The following UGDH variants were observed in gnomAD, a reference collection of about 807,000 sequenced individuals.
UGDH encodes UDP-glucose 6-dehydrogenase, also known as UDP-Glc dehydrogenase.
A neutral mutation model predicts 50.6 loss-of-function variants in UGDH; 38 were observed. That is an observed-to-expected ratio of 0.75 (90% confidence interval 0.58 to 0.98). UGDH has a LOEUF of 0.98. Ranked by LOEUF, UGDH falls within the 50% of genes least tolerant of loss-of-function variation. The pLI, the probability that UGDH is intolerant of heterozygous loss-of-function variation, is 0.00. For synonymous variants in UGDH, 168 were observed against 199.9 expected (o/e 0.84, Z 1.35); for missense variants, 465 against 606.2 (o/e 0.77, Z 2.45).
At chr4:39,501,573 A>G (rs1410673120) in intron 11 of UGDH, among the ~76,000 whole-genome samples, 1 of 152,144 alleles carries the variant, frequency 6.6e-6, no homozygotes, top group South Asian at 2.1e-4. Context: ...GCACCCGGCC[A>G]GCATAATTCT....
At chr4:39,513,501 G>T (rs1404022884) in intron 3 of UGDH, among the ~76,000 whole-genome samples, 1 of 147,716 alleles carries the variant, frequency 6.8e-6, no homozygotes, top group Non-Finnish European at 1.5e-5. Flanking sequence ...ATCATCACAT[G>T]TGCTCTCATG....
At chr4:39,501,067 C>T (rs893923205) in intron 11 of UGDH, among the ~76,000 whole-genome samples, 1 of 151,422 alleles carries the variant, frequency 6.6e-6, no homozygotes, top group African/African-American at 2.4e-5. Flanking sequence ...CAGGTTCAAG[C>T]GATTCTCCTC....
intron 1 of UGDH, among the ~76,000 whole-genome samples, chr4:39,523,299 G>C (rs1437369523): frequency 6.6e-6 from 1 of 151,942 alleles, no homozygotes; most frequent in Non-Finnish European, 1.5e-5. Context: ...CAATCTGCCT[G>C]CCTCAGCCTC....
chr4:39,512,179 C>T (rs1264058662), intron 3 of UGDH, among the ~76,000 whole-genome samples: 1 of 152,006 alleles, frequency 6.6e-6, no homozygotes, highest in Non-Finnish European at 1.5e-5. Context: ...TGTTATAATG[C>T]TCTGACAAAA....
rs761454872 is a variant in UGDH, at chr4:39,510,728, G to A, written c.398C>T (p.Pro133Leu). The A allele has an allele frequency of 4.3e-6, 7 of 1,614,020 alleles. No individual in the cohort carries two copies. Among genetic ancestry groups the A allele is most frequent in the East Asian group, 2.2e-5 (1 of 44,904 alleles). ...YKIVTEKSTVPVRAAESIRRI... is the reference protein window; with the variant it reads ...YKIVTEKSTVLVRAAESIRRI... ...ACGGATACTTTCTGCTGCCCGCACT[G>A]GAACTGTGCTTTTCTCAGTCACAAT... is the stretch of plus-strand genomic sequence containing the variant. Residue 133 changes from proline (P) to leucine (L), a missense_variant, in exon 4 of 12, where the codon CCA becomes CTA. Pro to Leu is a moderately conservative substitution (Grantham distance 98). Transcript: ENST00000316423.
intron 2 of UGDH, among the ~76,000 whole-genome samples, chr4:39,520,186 A>G (rs867346145): frequency 4.6e-5 from 7 of 152,170 alleles, no homozygotes. Context: ...TAAAAATACA[A>G]AAATTAGCTG....
In UGDH at chr4:39,510,353, C is replaced by T; in HGVS notation, c.663G>A (p.Leu221=). 6.2e-7 allele frequency: 1 copy of T among 1,614,056 alleles called. No homozygotes were observed. Among genetic ancestry groups the T allele is most frequent in the South Asian group, 1.1e-5 (1 of 91,066 alleles). The part of the protein sequence containing the change: ...TNTWSSELSK[L]AANAFLAQRI... Reference sequence around the variant, plus strand: ...GAAGAGTTGAATGCTATATACTAACCAGTTTGGAAAGCTCTGAAGACCAAG... The same window carrying T: ...GAAGAGTTGAATGCTATATACTAACTAGTTTGGAAAGCTCTGAAGACCAAG... Residue 221 remains leucine (L), a splice_region_variant and synonymous_variant, in exon 5 of 12, where the codon CTG becomes CTA. Coordinates refer to ENST00000316423, the MANE Select transcript of UGDH (RefSeq NM_003359.4).
At chr4:39,516,630 C>T (rs1746450610) in intron 2 of UGDH, among the ~76,000 whole-genome samples, 1 of 152,170 alleles carries the variant, frequency 6.6e-6, no homozygotes, top group South Asian at 2.1e-4. Context: ...CATATAGAGG[C>T]AACTCCCTTT....
At chr4:39,509,928 A>G (rs933886721) in intron 5 of UGDH, 21 bp from the exon 6 acceptor site, 5 of 1,571,072 alleles carry the variant, frequency 3.2e-6, no homozygotes, top group South Asian at 1.2e-5. Flanking sequence ...AAAAACATAG[A>G]GAAGAGTAAG....
intron 7 of UGDH, among the ~76,000 whole-genome samples, chr4:39,506,411 T>C (rs1342680086): frequency 6.6e-6 from 1 of 152,138 alleles, no homozygotes; most frequent in South Asian, 2.1e-4. Flanking sequence ...ATACTATCCT[T>C]AGTCCGTGTC....
chr4:39,513,221 G>A (rs1245485446), intron 3 of UGDH, among the ~76,000 whole-genome samples: 2 of 152,084 alleles, frequency 1.3e-5, no homozygotes, highest in African/African-American at 2.4e-5. Flanking sequence ...GATGTAAGTT[G>A]CTTTGGTTCA....
chr4:39,523,212 A>G (rs1040124846), intron 1 of UGDH, among the ~76,000 whole-genome samples: 1 of 151,874 alleles, frequency 6.6e-6, no homozygotes, highest in African/African-American at 2.4e-5. Context: ...CCACCACACC[A>G]GGTTAATTTT....
chr4:39,503,598 G>A (rs750137946), intron 11 of UGDH, among the ~76,000 whole-genome samples: 13 of 152,112 alleles, frequency 8.5e-5, no homozygotes, highest in East Asian at 5.8e-4. Flanking sequence ...CCAGAGTTAC[G>A]TTACTGCTAA....
intron 7 of UGDH, among the ~76,000 whole-genome samples, chr4:39,507,632 T>G (rs1746078723): frequency 6.6e-6 from 1 of 152,076 alleles, no homozygotes; most frequent in African/African-American, 2.4e-5. Flanking sequence ...CTTATTTTAT[T>G]TTGATTTTAT....
intron 11 of UGDH, among the ~76,000 whole-genome samples, chr4:39,503,136 C>T (rs910639527): frequency 6.6e-6 from 1 of 152,104 alleles, no homozygotes; most frequent in African/African-American, 2.4e-5. Context: ...AGGCTGGTCT[C>T]GAACTCCTGA....
chr4:39,507,606 C>T (rs1360279788), intron 7 of UGDH, among the ~76,000 whole-genome samples: 1 of 152,070 alleles, frequency 6.6e-6, no homozygotes, highest in Non-Finnish European at 1.5e-5. Flanking sequence ...GCCCGACCAA[C>T]GTTATAATAT....
intron 1 of UGDH, among the ~76,000 whole-genome samples, chr4:39,524,169 A>G (rs1388583053): frequency 6.6e-6 from 1 of 152,200 alleles, no homozygotes; most frequent in Non-Finnish European, 1.5e-5. Context: ...CTCCTAGCCA[A>G]AAGGTTATTA....
intron 3 of UGDH, among the ~76,000 whole-genome samples, chr4:39,511,447 G>C (rs148030298): frequency 0.011 from 1,717 of 151,844 alleles, 15 homozygotes; most frequent in Non-Finnish European, 0.02. Flanking sequence ...ATTTTTAGTA[G>C]AGACAGGGTT....
In UGDH at chr4:39,505,586, A is replaced by C. The variant is rs200723580; in HGVS notation, c.1037+32T>G. On this transcript the variant is annotated intron_variant, in intron 8 of 11. Coordinates refer to ENST00000316423, the MANE Select transcript of UGDH (RefSeq NM_003359.4). ...TAAGATGAGGAGTTAACACAATCTC[A>C]AAAGGGTTGAAATATTTTTAAAAAC... 480 of 1,552,216 alleles carry C rather than the reference A, an allele frequency of 3.1e-4. 3 individuals carry two copies. The highest frequency in any genetic ancestry group is 1.6e-3 in the Middle Eastern group (9 of 5,722).
Sources: allele counts gnomAD v4.1 joint callset (sites outside exome capture counted in the v4.1 genomes callset), GRCh38; gene constraint gnomAD v4.1.1; transcripts MANE v1.5; gene names NCBI Gene and HGNC (gene_info 2026-07-23, HGNC 2026-07-21).